The following BICC1 variants were observed in gnomAD, a reference collection of about 807,000 sequenced individuals.
BICC1 encodes BicC family RNA binding protein 1.
BICC1 carries 43 observed loss-of-function variants against 111.0 expected under a neutral mutation model. The ratio of observed to expected loss-of-function variants is 0.39; its 90% confidence interval spans 0.30 to 0.50. BICC1 has a LOEUF of 0.50. Among genes scored for constraint, BICC1 ranks in the 20% least tolerant of loss-of-function variants. The pLI is 0.88. For missense variants in BICC1, 1,091 were observed against 1,203.2 expected, an observed-to-expected ratio of 0.91 and a Z score of 1.38; for synonymous variants, 467 against 434.4, an observed-to-expected ratio of 1.07 and a Z score of -0.93.
At chr10:58,756,019 C>T (rs1439797610) in intron 3 of BICC1, among the ~76,000 whole-genome samples, 2 of 152,274 alleles carry the variant, frequency 1.3e-5, no homozygotes, top group East Asian at 3.9e-4. Flanking sequence ...TTTATTCTGT[C>T]CCTTACATTT....
At chr10:58,745,617 T>G (rs1841814308) in intron 3 of BICC1, among the ~76,000 whole-genome samples, 1 of 54,826 alleles carries the variant, frequency 1.8e-5, no homozygotes, top group Non-Finnish European at 3.3e-5. Context: ...CCCCCCACAT[T>G]TTTTTCTGAT....
chr10:58,602,642 G>C (rs914474537), intron 1 of BICC1, among the ~76,000 whole-genome samples: 1 of 152,092 alleles, frequency 6.6e-6, no homozygotes, highest in Non-Finnish European at 1.5e-5. Flanking sequence ...GAGAGAAGGG[G>C]ATCTGCTTAA....
chr10:58,720,203 A>G (rs968191688), intron 3 of BICC1, among the ~76,000 whole-genome samples: 1 of 152,252 alleles, frequency 6.6e-6, no homozygotes, highest in Non-Finnish European at 1.5e-5. Context: ...CTGAAATAGT[A>G]TCCTAAGTAT....
intron 2 of BICC1, among the ~76,000 whole-genome samples, chr10:58,634,498 C>G (rs1250727638): frequency 1.3e-5 from 2 of 152,094 alleles, no homozygotes; most frequent in Non-Finnish European, 2.9e-5. Context: ...AAAGTAAGGC[C>G]TTAGCATTAG....
At chr10:58,540,964 T>TGG (rs1842959081) in intron 1 of BICC1, among the ~76,000 whole-genome samples, 1 of 152,070 alleles carries the variant, frequency 6.6e-6, no homozygotes, top group Admixed American at 6.6e-5. Context: ...CACATGATCA[T>TGG]CTCAATTGAT....
chr10:58,700,685 C>G (rs1840206365), intron 2 of BICC1, among the ~76,000 whole-genome samples: 1 of 152,046 alleles, frequency 6.6e-6, no homozygotes, highest in Admixed American at 6.5e-5. Context: ...GGCAAGTGAG[C>G]AGTACAATGC....
intron 2 of BICC1, among the ~76,000 whole-genome samples, chr10:58,674,180 G>C (rs1217692534): frequency 1.2e-4 from 19 of 152,232 alleles, no homozygotes; most frequent in Admixed American, 1.2e-3. Flanking sequence ...GCTGGAGCTG[G>C]TGTTTGCAAG....
At chr10:58,527,113 T>C (rs948023210) in intron 1 of BICC1, among the ~76,000 whole-genome samples, 5 of 152,212 alleles carry the variant, frequency 3.3e-5, no homozygotes, top group Non-Finnish European at 5.9e-5. Context: ...TTTTAATGAT[T>C]GCCATTCTAA....
At chr10:58,787,572 C>T (rs1236846329) in intron 5 of BICC1, among the ~76,000 whole-genome samples, 5 of 152,190 alleles carry the variant, frequency 3.3e-5, no homozygotes, top group African/African-American at 9.7e-5. Context: ...AAATGGAACT[C>T]ACCTGTCCTC....
intron 3 of BICC1, 134 bp from the exon 4 acceptor site, chr10:58,784,867 T>A (rs968402049): frequency 2.6e-6 from 1 of 379,372 alleles, no homozygotes; most frequent in African/African-American, 2.1e-5. Context: ...AATTTTATTA[T>A]AATAATAATC....
intron 2 of BICC1, among the ~76,000 whole-genome samples, chr10:58,641,348 C>T (rs938010415): frequency 6.6e-6 from 1 of 152,150 alleles, no homozygotes; most frequent in African/African-American, 2.4e-5. Context: ...GTTTTGCCGT[C>T]GTGCCCTTGC....
intron 3 of BICC1, among the ~76,000 whole-genome samples, chr10:58,776,587 C>T (rs954472483): frequency 3.3e-5 from 5 of 152,154 alleles, no homozygotes; most frequent in African/African-American, 9.7e-5. Flanking sequence ...TTGCAGAGGG[C>T]TGGTGTTGTT....
intron 2 of BICC1, among the ~76,000 whole-genome samples, chr10:58,656,906 A>G (rs1838673551): frequency 6.6e-6 from 1 of 152,158 alleles, no homozygotes. Context: ...ACAGTTTATA[A>G]TCTTGACAAT....
chr10:58,550,314 G>C (rs1843262338), intron 1 of BICC1, among the ~76,000 whole-genome samples: 1 of 152,042 alleles, frequency 6.6e-6, no homozygotes, highest in Admixed American at 6.6e-5. Flanking sequence ...GAGTCTCCCT[G>C]CCCCGCTGTA....
intron 3 of BICC1, among the ~76,000 whole-genome samples, chr10:58,735,085 C>G (rs1258951092): frequency 6.6e-6 from 1 of 152,186 alleles, no homozygotes; most frequent in Non-Finnish European, 1.5e-5. Flanking sequence ...CCACCCTTAA[C>G]CAGAAGCAAA....
chr10:58,607,287 G>C (rs1029609790), intron 1 of BICC1, among the ~76,000 whole-genome samples: 6 of 47,720 alleles, frequency 1.3e-4, no homozygotes, highest in African/African-American at 3.1e-4. Flanking sequence ...TGGCACTCCA[G>C]CCTGGGCAAC....
At chr10:58,552,904 T>G (rs1004295167) in intron 1 of BICC1, among the ~76,000 whole-genome samples, 7 of 152,190 alleles carry the variant, frequency 4.6e-5, no homozygotes, top group Admixed American at 1.3e-4. Context: ...TGTAGAACAT[T>G]CCACGTAGGC....
At chr10:58,660,330 A>G (rs1301255289) in intron 2 of BICC1, among the ~76,000 whole-genome samples, 1 of 151,996 alleles carries the variant, frequency 6.6e-6, no homozygotes, top group Non-Finnish European at 1.5e-5. Context: ...TAGGGGACAC[A>G]TTTCCTGCCC....
intron 1 of BICC1, among the ~76,000 whole-genome samples, chr10:58,574,964 GC>G (rs2131991663): frequency 6.6e-6 from 1 of 151,282 alleles, no homozygotes; most frequent in East Asian, 1.9e-4. Context: ...AAACGAGTGA[GC>G]AAAAAATGAC....
Sources: allele counts gnomAD v4.1 joint callset (sites outside exome capture counted in the v4.1 genomes callset), GRCh38; gene constraint gnomAD v4.1.1; transcripts MANE v1.5; gene names NCBI Gene and HGNC (gene_info 2026-07-23, HGNC 2026-07-21).